Variants in PLEKHA8 observed in about 807,000 individuals in gnomAD.
PLEKHA8 encodes pleckstrin homology domain containing A8, also known as pleckstrin homology domain-containing family A member 8.
PLEKHA8 carries 36 observed loss-of-function variants against 68.2 expected under a neutral mutation model. That is an observed-to-expected ratio of 0.53 (90% CI 0.40 to 0.70). The LOEUF is 0.70. Among genes scored for constraint, PLEKHA8 ranks in the 30% least tolerant of loss-of-function variants. PLEKHA8 has a pLI of 0.00. For synonymous variants in PLEKHA8, 211 were observed against 216.1 expected (o/e 0.98, Z 0.20); for missense variants, 505 against 615.4 (o/e 0.82, Z 1.90).
chr7:30,045,605 T>C (rs952292201), intron 2 of PLEKHA8, among the ~76,000 whole-genome samples: 1 of 152,192 alleles, frequency 6.6e-6, no homozygotes, highest in African/African-American at 2.4e-5. Flanking sequence ...GACTTTCAAA[T>C]AGTCTTTACT....
intron 12 of PLEKHA8, among the ~76,000 whole-genome samples, chr7:30,063,586 G>A (rs760422671): frequency 1.3e-5 from 2 of 152,092 alleles, no homozygotes; most frequent in Admixed American, 6.5e-5. Flanking sequence ...GTCACAGTTG[G>A]GTTCTACCTC....
chr7:30,130,412 C>G (rs183824265), downstream of PLEKHA8: 17 of 152,176 alleles, frequency 1.1e-4, no homozygotes, highest in African/African-American at 3.9e-4. Flanking sequence ...GCTGAAAATA[C>G]GGGCAAGGGG....
intron 1 of PLEKHA8, among the ~76,000 whole-genome samples, chr7:30,044,032 A>ATTTT (rs199681554): frequency 7.4e-6 from 1 of 135,078 alleles, no homozygotes; most frequent in Non-Finnish European, 1.6e-5. Context: ...GTCAGGGATG[A>ATTTT]TTTTTTTTTT....
chr7:30,086,993 G>C (rs1350885754), downstream of PLEKHA8, among the ~76,000 whole-genome samples: 2 of 152,170 alleles, frequency 1.3e-5, no homozygotes, highest in Non-Finnish European at 2.9e-5. Context: ...TCAGCACTGA[G>C]GACACAGATC....
Position 30,028,509 on chromosome 7 carries a change from C to A in PLEKHA8, c.-254C>A, listed in dbSNP as rs1790378212. The stretch of plus-strand genomic sequence containing the variant: ...CCACGTAGGGCCCGGACCCGGGCCT[C>A]CTTGTGAACAGCGTGCCGGCTTCGC... On this transcript the variant is annotated 5_prime_UTR_variant, in exon 1 of 14. Transcript: ENST00000449726. The A allele has an allele frequency of 2.8e-6, 1 of 362,882 alleles. No individual in the cohort carries two copies. Among genetic ancestry groups the A allele is most frequent in the African/African-American group, 2.1e-5 (1 of 47,238 alleles). 22.5% of individuals were successfully genotyped at this position (362,882 alleles called of 1,614,324 possible).
rs912471724 is a variant in PLEKHA8, at chr7:30,106,894, A to G, written c.1363-22372A>G. On this transcript the variant is annotated intron_variant, in intron 13 of 13. Transcript: ENST00000396257. ...ACATGCAAATGCTGGTCCATTTTAC[A>G]TAAGGGACTTCTGAGCATCTTCAGA... 3.3e-5 allele frequency among the ~76,000 whole-genome samples: 5 copies of G among 152,334 alleles called. No individual in the cohort carries two copies. In the East Asian group the frequency reaches 5.8e-4, roughly 18 times the overall value.
chr7:30,101,163 C>G (rs1184750305), intron 13 of PLEKHA8, among the ~76,000 whole-genome samples: 1 of 145,550 alleles, frequency 6.9e-6, no homozygotes, highest in Non-Finnish European at 1.5e-5. Flanking sequence ...GCCTGGGCAA[C>G]AGAGTGAGAC....
At chr7:30,038,940 A>C (rs1253307134) in intron 1 of PLEKHA8, among the ~76,000 whole-genome samples, 1 of 152,084 alleles carries the variant, frequency 6.6e-6, no homozygotes, top group Admixed American at 6.6e-5. Context: ...TTAGTGTAAA[A>C]TTAACATGAG....
intron 1 of PLEKHA8, among the ~76,000 whole-genome samples, chr7:30,035,442 G>T (rs183069464): frequency 9.5e-4 from 145 of 152,204 alleles, no homozygotes; most frequent in African/African-American, 3.5e-3. Context: ...GATTAATGAT[G>T]CCCAGAAAAT....
chr7:30,082,833 G>C lies in PLEKHA8; in HGVS notation c.*4046G>C. 1.0e-6 allele frequency: 1 copy of C among 985,328 alleles called. No homozygotes were observed. Among genetic ancestry groups the C allele is most frequent in the Non-Finnish European group, 1.2e-6 (1 of 829,884 alleles). 61.0% of individuals were successfully genotyped at this position (985,328 alleles called of 1,614,324 possible). On this transcript the variant is annotated 3_prime_UTR_variant, in exon 14 of 14. Coordinates refer to ENST00000449726, the MANE Select transcript of PLEKHA8 (RefSeq NM_001197026.2). ...TCAGGCAATAGAGTCAGAGGGTCAT[G>C]AGCAATAGACGATGATGCGAGGCAT...
chr7:30,089,903 C>G (rs1795345057), intron 12 of PLEKHA8, among the ~76,000 whole-genome samples: 1 of 151,990 alleles, frequency 6.6e-6, no homozygotes, highest in Admixed American at 6.5e-5. Flanking sequence ...TAGCAAAAAA[C>G]ATGGTTGAAA....
At chr7:30,095,369 GTTGT>G (rs1795572513), downstream of PLEKHA8, among the ~76,000 whole-genome samples, 1 of 152,178 alleles carries the variant, frequency 6.6e-6, no homozygotes, top group South Asian at 2.1e-4. Context: ...TTTTAATGGG[GTTGT>G]TTGTTTTTTT....
chr7:30,052,789 A>G lies in PLEKHA8; in HGVS notation c.719A>G (p.Lys240Arg). The G allele has an allele frequency of 6.4e-7, 1 of 1,566,728 alleles. No individual in the cohort carries two copies. The highest frequency in any genetic ancestry group is 8.6e-7 in the Non-Finnish European group (1 of 1,164,758). ...GAGGAAGAAATCCTAATGAAAAATA[A>G]GAATTCCTTATATTTGAAATCTGCA... ...NGEEEILMKN[K>R]NSLYLKSAEI... The change falls in exon 7 of 14, where the codon AAG (lysine) becomes AGG (arginine). Residue 240 changes from lysine (K) to arginine (R), a missense_variant. Lys to Arg is a conservative substitution (Grantham distance 26). Transcript: ENST00000449726.
intron 10 of PLEKHA8, 135 bp from the exon 11 acceptor site, chr7:30,061,762 A>G: frequency 4.7e-6 from 4 of 857,598 alleles, no homozygotes; most frequent in East Asian, 2.7e-5. Flanking sequence ...ATGAAAACAT[A>G]AGGAAGAAGG....
At chr7:30,127,870 T>C (rs1796802076) in intron 13 of PLEKHA8, among the ~76,000 whole-genome samples, 1 of 152,232 alleles carries the variant, frequency 6.6e-6, no homozygotes, top group South Asian at 2.1e-4. Flanking sequence ...CATTGAATTC[T>C]CCTATATAGC....
At chr7:30,116,198 A>G (rs1286393870) in intron 13 of PLEKHA8, among the ~76,000 whole-genome samples, 1 of 150,548 alleles carries the variant, frequency 6.6e-6, no homozygotes, top group Non-Finnish European at 1.5e-5. Flanking sequence ...GCATACATAC[A>G]CGTATACATG....
At chr7:30,128,351 C>T (rs1055660225) in intron 13 of PLEKHA8, among the ~76,000 whole-genome samples, 1 of 152,202 alleles carries the variant, frequency 6.6e-6, no homozygotes, top group African/African-American at 2.4e-5. Context: ...AAGCAATCCT[C>T]CTGCTTTGGC....
chr7:30,060,641 C>T (rs979627735), intron 9 of PLEKHA8, among the ~76,000 whole-genome samples: 1 of 152,114 alleles, frequency 6.6e-6, no homozygotes, highest in African/African-American at 2.4e-5. Context: ...GAATCCTAAA[C>T]TTATAAGATT....
At chr7:30,031,803 C>T (rs963537419) in intron 1 of PLEKHA8, among the ~76,000 whole-genome samples, 3 of 152,050 alleles carry the variant, frequency 2.0e-5, no homozygotes, top group African/African-American at 7.2e-5. Flanking sequence ...GCTTCTTTTG[C>T]CTCTTGAATT....
Sources: allele counts gnomAD v4.1 joint callset (sites outside exome capture counted in the v4.1 genomes callset), GRCh38; gene constraint gnomAD v4.1.1; transcripts MANE v1.5; gene names NCBI Gene and HGNC (gene_info 2026-07-23, HGNC 2026-07-21).